The following TTC6 variants were observed in gnomAD, a reference collection of about 807,000 sequenced individuals.
TTC6 encodes the protein tetratricopeptide repeat domain 6, also known as tetratricopeptide repeat protein 6.
Under a neutral mutation model 210.4 loss-of-function variants are expected in TTC6, and 172 were observed. The observed-to-expected ratio is 0.82, with a 90% CI of 0.72 to 0.93. The LOEUF (loss-of-function observed/expected upper bound fraction) is 0.93. Ranked by LOEUF, TTC6 falls within the 40% of genes least tolerant of loss-of-function variation. TTC6 has a pLI of 0.00. For synonymous variants in TTC6, 804 were observed against 819.6 expected (o/e 0.98, Z 0.32); for missense variants, 2,414 against 2,318.1 (o/e 1.04, Z -0.85).
intron 1 of TTC6, among the ~76,000 whole-genome samples, chr14:37,644,116 C>T (rs562099678): frequency 1.3e-5 from 2 of 152,180 alleles, no homozygotes; most frequent in African/African-American, 2.4e-5. Flanking sequence ...AACTAAGTAT[C>T]GAGTTACAAT....
chr14:37,723,310 G>T (rs1204731979), intron 6 of TTC6, among the ~76,000 whole-genome samples: 3 of 152,120 alleles, frequency 2.0e-5, no homozygotes, highest in African/African-American at 7.2e-5. Flanking sequence ...GGCAGTAGGT[G>T]TGTTTGTTTC....
At chr14:37,688,763 C>T (rs568133271) in intron 3 of TTC6, among the ~76,000 whole-genome samples, 1 of 152,236 alleles carries the variant, frequency 6.6e-6, no homozygotes, top group South Asian at 2.1e-4. Context: ...CTTGGGGTCC[C>T]CCGCCCTAAA....
At chr14:37,687,220 G>A (rs2095795716) in intron 3 of TTC6, among the ~76,000 whole-genome samples, 1 of 152,128 alleles carries the variant, frequency 6.6e-6, no homozygotes, top group Non-Finnish European at 1.5e-5. Flanking sequence ...GTGCTGTCTT[G>A]TTATAGCAGA....
rs532895109 is a variant in TTC6 at position 37,627,694 on chromosome 14, A to G, written c.939+4691A>G. Among the ~76,000 whole-genome samples the G allele has an allele frequency of 1.3e-4, 20 of 152,292 alleles. No individual in the cohort carries two copies. In the East Asian group the frequency reaches 3.9e-3, roughly 29 times the overall value. On this transcript the variant is annotated intron_variant, in intron 1 of 30. Transcript: ENST00000553443. ...TATATGTGCCACATTTTCTTTATCC[A>G]GTCTATCACTGACGGGCATTAGGGT...
intron 1 of TTC6, among the ~76,000 whole-genome samples, chr14:37,673,664 A>G (rs1257641397): frequency 6.6e-6 from 1 of 152,108 alleles, no homozygotes; most frequent in Non-Finnish European, 1.5e-5. Context: ...TGTAGGGGAA[A>G]GACCATGTGG....
chr14:37,717,781 G>T (rs550042594), intron 6 of TTC6, among the ~76,000 whole-genome samples: 20 of 152,052 alleles, frequency 1.3e-4, no homozygotes, highest in Non-Finnish European at 2.6e-4. Context: ...AAGAAAGAAA[G>T]AAAAATGCAG....
At chr14:37,619,755 T>C (rs922090378), upstream of TTC6, among the ~76,000 whole-genome samples, 1 of 152,094 alleles carries the variant, frequency 6.6e-6, no homozygotes. Flanking sequence ...TTGCTCTTCA[T>C]TGAGGGACAA....
chr14:37,833,234 A>G (rs531990114), intron 29 of TTC6, among the ~76,000 whole-genome samples: 2 of 152,302 alleles, frequency 1.3e-5, no homozygotes, highest in Admixed American at 1.3e-4. Context: ...TTGTTTTATT[A>G]TTAATGAGTC....
chr14:37,635,142 C>G (rs1186492644), intron 1 of TTC6, among the ~76,000 whole-genome samples: 1 of 152,094 alleles, frequency 6.6e-6, no homozygotes, highest in Non-Finnish European at 1.5e-5. Context: ...TGATGTGGCT[C>G]TAAATGCTGG....
chr14:37,643,744 C>G (rs2095696556), intron 1 of TTC6, among the ~76,000 whole-genome samples: 1 of 152,182 alleles, frequency 6.6e-6, no homozygotes, highest in Non-Finnish European at 1.5e-5. Flanking sequence ...CAGACCTCAT[C>G]ATTTCAGCCA....
intron 14 of TTC6, among the ~76,000 whole-genome samples, chr14:37,774,746 C>A (rs1190221452): frequency 6.6e-6 from 1 of 152,098 alleles, no homozygotes; most frequent in African/African-American, 2.4e-5. Flanking sequence ...TAATGCTGGC[C>A]ACATAGAATG....
chr14:37,689,202 G>A (rs2095799164), intron 3 of TTC6, among the ~76,000 whole-genome samples: 1 of 151,894 alleles, frequency 6.6e-6, no homozygotes, highest in African/African-American at 2.4e-5. Context: ...GTCTTTTAGT[G>A]GCAGAACTGA....
intron 24 of TTC6, 43 bp from the exon 27 acceptor site, chr14:37,812,271 G>T: frequency 6.3e-7 from 1 of 1,592,254 alleles, no homozygotes; most frequent in South Asian, 1.1e-5. Context: ...AATGAATTCA[G>T]GCTCTAAAAA....
intron 1 of TTC6, among the ~76,000 whole-genome samples, chr14:37,605,667 G>A (rs1325581792): frequency 6.6e-6 from 1 of 152,160 alleles, no homozygotes; most frequent in Non-Finnish European, 1.5e-5. Context: ...TTTAGAAAAG[G>A]AATGTCTCTG....
intron 14 of TTC6, among the ~76,000 whole-genome samples, chr14:37,784,448 CT>C (rs998433465): frequency 6.6e-6 from 1 of 151,856 alleles, no homozygotes; most frequent in Admixed American, 6.6e-5. Context: ...ACAACCCCTG[CT>C]TTTTTTTGTT....
At chr14:37,792,773 ATGTTGTGTGTG>A (rs1273681964) in intron 17 of TTC6, among the ~76,000 whole-genome samples, 2 of 134,094 alleles carry the variant, frequency 1.5e-5, no homozygotes, top group African/African-American at 5.8e-5. Flanking sequence ...CTATGGTCCA[ATGTTGTGTGTG>A]TGTGTGTGTG....
intron 24 of TTC6, among the ~76,000 whole-genome samples, chr14:37,809,503 C>T (rs1054943300): frequency 8.5e-5 from 13 of 152,074 alleles, no homozygotes; most frequent in East Asian, 1.9e-4. Flanking sequence ...CCGCCTGCCT[C>T]GGCCTCCCAA....
At chr14:37,677,286 A>G (rs2095772092) in intron 1 of TTC6, among the ~76,000 whole-genome samples, 1 of 152,064 alleles carries the variant, frequency 6.6e-6, no homozygotes, top group African/African-American at 2.4e-5. Flanking sequence ...ATTTATTTCT[A>G]AGTATTTTAT....
chr14:37,811,782 A>G (rs1438204746), intron 24 of TTC6, among the ~76,000 whole-genome samples: 1 of 152,152 alleles, frequency 6.6e-6, no homozygotes, highest in East Asian at 1.9e-4. Flanking sequence ...ACAAGTGCTT[A>G]TTTGTTAGTT....
Sources: gnomAD v4.1 joint callset for allele counts (sites outside exome capture counted in the v4.1 genomes callset) on GRCh38, gnomAD v4.1.1 for gene constraint, MANE v1.5 for transcripts, NCBI Gene and HGNC (gene_info 2026-07-23, HGNC 2026-07-21) for gene names.